RERE: variants seen among roughly 807,000 people sequenced by gnomAD.
RERE encodes arginine-glutamic acid dipeptide repeats, also known as arginine-glutamic acid dipeptide repeats protein.
Under a neutral mutation model 146.1 loss-of-function variants are expected in RERE, and 40 were observed. The observed-to-expected ratio is 0.27, with a 90% CI of 0.21 to 0.36. RERE has a LOEUF of 0.36. RERE is among the 10% of genes least tolerant of loss of function. RERE has a pLI of 1.00. For missense variants in RERE, 1,933 were observed against 2,138.7 expected, an observed-to-expected ratio of 0.90 and a Z score of 1.90; for synonymous variants, 1,003 against 866.0, an observed-to-expected ratio of 1.16 and a Z score of -2.78.
chr1:8,538,663 T>G (rs1430877047), intron 7 of RERE, among the ~76,000 whole-genome samples: 1 of 152,222 alleles, frequency 6.6e-6, no homozygotes, highest in Non-Finnish European at 1.5e-5. Context: ...CAAAGTTTAC[T>G]TATAAATGGG....
intron 13 of RERE, 75 bp downstream of exon 13, chr1:8,365,737 A>G: frequency 6.5e-7 from 1 of 1,540,272 alleles, no homozygotes; most frequent in East Asian, 2.3e-5. Context: ...ATCAGCTCCT[A>G]CGGGCCCAGA....
intron 12 of RERE, among the ~76,000 whole-genome samples, chr1:8,406,556 A>G (rs1356297017): frequency 1.3e-5 from 2 of 152,186 alleles, no homozygotes; most frequent in Non-Finnish European, 2.9e-5. Context: ...TATTTGGAGA[A>G]TCTGGGTAAA....
At chr1:8,429,166 A>G (rs1022587121) in intron 11 of RERE, among the ~76,000 whole-genome samples, 4 of 152,106 alleles carry the variant, frequency 2.6e-5, no homozygotes, top group Non-Finnish European at 5.9e-5. Flanking sequence ...CATCACAACA[A>G]CCTTATGAGG....
At chr1:8,733,702 G>C (rs778972878) in intron 1 of RERE, among the ~76,000 whole-genome samples, 3 of 152,200 alleles carry the variant, frequency 2.0e-5, no homozygotes, top group Non-Finnish European at 4.4e-5. Context: ...GGGACCTCAA[G>C]CCACTCCTAA....
chr1:8,393,747 T>C (rs1642962002), intron 12 of RERE, among the ~76,000 whole-genome samples: 1 of 152,130 alleles, frequency 6.6e-6, no homozygotes, highest in Admixed American at 6.5e-5. Flanking sequence ...ACAGAGACAA[T>C]TTACATGAAT....
intron 1 of RERE, among the ~76,000 whole-genome samples, chr1:8,804,403 G>A (rs1569833239): frequency 1.3e-5 from 2 of 152,278 alleles, no homozygotes; most frequent in South Asian, 4.1e-4. Context: ...CAATAATACT[G>A]TCAAATTATC....
chr1:8,758,860 A>G (rs1640698788), intron 1 of RERE, among the ~76,000 whole-genome samples: 1 of 152,196 alleles, frequency 6.6e-6, no homozygotes, highest in Non-Finnish European at 1.5e-5. Flanking sequence ...CACCACAAAA[A>G]AAAAAAATGT....
At chr1:8,377,812 G>A (rs985537557) in intron 12 of RERE, among the ~76,000 whole-genome samples, 2 of 152,292 alleles carry the variant, frequency 1.3e-5, no homozygotes, top group East Asian at 1.9e-4. Context: ...GAGGCCTGCC[G>A]CAGGACGTTT....
intron 1 of RERE, among the ~76,000 whole-genome samples, chr1:8,675,651 A>G (rs1254304620): frequency 6.6e-6 from 1 of 151,976 alleles, no homozygotes; most frequent in African/African-American, 2.4e-5. Flanking sequence ...TGAACTTGGG[A>G]GGCAGAGGTT....
intron 2 of RERE, among the ~76,000 whole-genome samples, chr1:8,626,416 C>T (rs1252224988): frequency 6.6e-6 from 1 of 152,160 alleles, no homozygotes; most frequent in Non-Finnish European, 1.5e-5. Context: ...AGCCTAGCTA[C>T]TGACAGAGCA....
At chr1:8,431,236 C>T (rs1467101519) in intron 11 of RERE, among the ~76,000 whole-genome samples, 1 of 152,164 alleles carries the variant, frequency 6.6e-6, no homozygotes, top group East Asian at 1.9e-4. Context: ...ACAGATGCTC[C>T]CCCTGGCTTG....
rs770435926 is a variant in RERE at position 8,358,529 on chromosome 1, G to T, written c.4006C>A (p.Pro1336Thr). The change falls in exon 20 of 23, where the codon CCC (proline) becomes ACC (threonine). Residue 1336 changes from proline (P) to threonine (T), a missense_variant. Coordinates refer to ENST00000400908, the MANE Select transcript of RERE (RefSeq NM_001042681.2). ...ATGGGGTTGGCGGCTGGGTGCAGGG[G>T]GTCCAGCTCTGGGGGCTTCACCTCG... The part of the protein sequence containing the change: ...GFEVKPPELD[P>T]LHPAANPMEH... 6.3e-7 allele frequency: 1 copy of T among 1,599,668 alleles called. No individual in the cohort carries two copies. Among genetic ancestry groups the T allele is most frequent in the Admixed American group, 1.7e-5 (1 of 58,540 alleles).
chr1:8,570,520 G>A (rs1646208274), intron 4 of RERE, among the ~76,000 whole-genome samples: 1 of 151,930 alleles, frequency 6.6e-6, no homozygotes, highest in Admixed American at 6.6e-5. Flanking sequence ...TTTACTTCTG[G>A]CTTAATAAGA....
At chr1:8,472,963 A>T (rs753370005) in intron 10 of RERE, among the ~76,000 whole-genome samples, 1 of 152,050 alleles carries the variant, frequency 6.6e-6, no homozygotes, top group Admixed American at 6.6e-5. Flanking sequence ...CCCAAATAAA[A>T]CCTGTCTTCC....
chr1:8,359,808 G>GCTCCTTCTCCTT lies in RERE; in HGVS notation c.3562_3573dup (p.Lys1188_Glu1191dup), dbSNP rs147985313. 10 of 1,604,562 alleles carry GCTCCTTCTCCTT rather than the reference G, an allele frequency of 6.2e-6. No homozygotes were observed. The highest frequency in any genetic ancestry group is 3.3e-5 in the South Asian group (3 of 90,968). ...CGCTCCCGCTCTCGCTCCCGCTCCC[G>GCTCCTTCTCCTT]CTCCTTCTCCTTCTCCTTCTCCCGC... On this transcript the variant is annotated inframe_insertion, in exon 19 of 23. Transcript: ENST00000400908.
chr1:8,674,524 C>T (rs1195522554), intron 1 of RERE, among the ~76,000 whole-genome samples: 3 of 152,198 alleles, frequency 2.0e-5, no homozygotes, highest in Non-Finnish European at 4.4e-5. Flanking sequence ...CTCCCAACAA[C>T]ACTTGTACTG....
chr1:8,492,342 C>T (rs960081447), intron 10 of RERE, among the ~76,000 whole-genome samples: 2 of 152,168 alleles, frequency 1.3e-5, no homozygotes, highest in South Asian at 4.1e-4. Flanking sequence ...GGGAATAAAT[C>T]ATATACATTC....
intron 2 of RERE, among the ~76,000 whole-genome samples, chr1:8,633,605 G>GA (rs1409740034): frequency 1.1e-4 from 17 of 151,878 alleles, no homozygotes; most frequent in Admixed American, 2.6e-4. Context: ...GCTTAAAGCA[G>GA]AAAAAAGCAT....
intron 21 of RERE, 91 bp from the exon 22 acceptor site, chr1:8,355,690 C>G (rs951822874): frequency 8.7e-7 from 1 of 1,154,666 alleles, no homozygotes; most frequent in African/African-American, 1.6e-5. Flanking sequence ...GCAAAGAGCA[C>G]AGGAGAGGTG....
Sources: gnomAD v4.1 joint callset for allele counts (sites outside exome capture counted in the v4.1 genomes callset) on GRCh38, gnomAD v4.1.1 for gene constraint, MANE v1.5 for transcripts, NCBI Gene and HGNC (gene_info 2026-07-23, HGNC 2026-07-21) for gene names.